Variants in GFRA1 observed in about 807,000 individuals in gnomAD.
GFRA1 encodes GDNF family receptor alpha 1.
In GFRA1, 16 loss-of-function variants were observed where a neutral mutation model predicts 51.6. The observed-to-expected ratio is 0.31, with a 90% CI of 0.21 to 0.47. The LOEUF (loss-of-function observed/expected upper bound fraction) is 0.47, where lower values mean the gene tolerates loss of function less well. Among genes scored for constraint, GFRA1 ranks in the 20% least tolerant of loss-of-function variants. The probability of loss-of-function intolerance (pLI) is 1.00; values close to 1 mark genes in which losing one functional copy is unlikely to be tolerated. For missense variants in GFRA1, 530 were observed against 594.3 expected (o/e 0.89, Z 1.13); for synonymous variants, 270 against 241.3 (o/e 1.12, Z -1.10).
At chr10:116,219,820 A>G (rs1965802064) in intron 4 of GFRA1, among the ~76,000 whole-genome samples, 1 of 152,228 alleles carries the variant, frequency 6.6e-6, no homozygotes, top group African/African-American at 2.4e-5. Context: ...CTACTGGTAA[A>G]ATACTAAAAG....
chr10:116,097,999 A>C (rs2250073), intron 6 of GFRA1, among the ~76,000 whole-genome samples: 13,950 of 152,290 alleles, frequency 0.092, 1,725 homozygotes, highest in African/African-American at 0.28. Context: ...ATTATCCAAG[A>C]CCGCAGTTCG....
intron 4 of GFRA1, among the ~76,000 whole-genome samples, chr10:116,215,434 T>A (rs1424975148): frequency 3.9e-5 from 6 of 152,156 alleles, no homozygotes; most frequent in Non-Finnish European, 8.8e-5. Context: ...AGGCCTCGAA[T>A]TTGAGTGTAA....
At chr10:116,167,106 A>G (rs530671214) in intron 5 of GFRA1, among the ~76,000 whole-genome samples, 1 of 152,060 alleles carries the variant, frequency 6.6e-6, no homozygotes, top group African/African-American at 2.4e-5. Context: ...GCCCACCACA[A>G]TCTTCTTAAT....
chr10:116,272,114 G>T lies in GFRA1; in HGVS notation c.-85C>A. 2 of 1,134,488 alleles carry T rather than the reference G, an allele frequency of 1.8e-6. No individual in the cohort carries two copies. The highest frequency in any genetic ancestry group is 2.0e-5 in the Admixed American group (1 of 50,522). The allele number at this position is 1,134,488 out of a possible 1,614,324, so 70.3% of individuals were successfully genotyped here. On this transcript the variant is annotated 5_prime_UTR_variant, in exon 2 of 11. Transcript: ENST00000355422. The surrounding 1 kb of genome is among the most constrained non-coding windows in gnomAD (Gnocchi z 4.4). The stretch of plus-strand genomic sequence containing the variant: ...TTGCCGAGGGAGCTCAGCGTGCAGC[G>T]ATCCCCGGACAGCTGTGCTGCTCTG...
chr10:116,191,156 T>A (rs970247494), intron 5 of GFRA1, among the ~76,000 whole-genome samples: 1 of 152,210 alleles, frequency 6.6e-6, no homozygotes, highest in Admixed American at 6.5e-5. Context: ...GAGACATTTG[T>A]TGAAAATTGC....
chr10:116,099,821 G>C lies in GFRA1; in HGVS notation c.771-3057C>G, dbSNP rs1238597658. ...TTTGTTCTTGATAAAAGGTAAGAAT[G>C]AATGGCCGCTAAAACAATACCTAGC... On this transcript the variant is annotated intron_variant, in intron 6 of 10. Transcript: ENST00000355422. Among the ~76,000 whole-genome samples the C allele has an allele frequency of 3.3e-5, 5 of 152,324 alleles. No individual in the cohort carries two copies. The East Asian group carries it at 9.6e-4, about 29-fold the overall frequency.
intron 4 of GFRA1, among the ~76,000 whole-genome samples, chr10:116,235,776 A>G (rs75609217): frequency 0.015 from 2,282 of 152,228 alleles, 51 homozygotes; most frequent in African/African-American, 0.051. Flanking sequence ...TCAAGATTGG[A>G]TAAGAGAGAG....
At chr10:116,217,768 C>T (rs1310445332) in intron 4 of GFRA1, among the ~76,000 whole-genome samples, 2 of 152,130 alleles carry the variant, frequency 1.3e-5, no homozygotes, top group African/African-American at 4.8e-5. Context: ...ATGCCAGTAA[C>T]AATAGGTAAT....
At chr10:116,196,548 T>TA (rs1963778583) in intron 5 of GFRA1, among the ~76,000 whole-genome samples, 2 of 114,706 alleles carry the variant, frequency 1.7e-5, no homozygotes, top group African/African-American at 6.5e-5. Context: ...TTTATATATA[T>TA]TTTTATATAT....
intron 5 of GFRA1, among the ~76,000 whole-genome samples, chr10:116,164,906 C>A (rs1330096789): frequency 2.6e-5 from 4 of 152,250 alleles, no homozygotes; most frequent in Admixed American, 6.5e-5. Context: ...CCTGTGAAAC[C>A]ATTTATACGA....
At chr10:116,209,578 C>T (rs771481552) in intron 5 of GFRA1, among the ~76,000 whole-genome samples, 2 of 152,064 alleles carry the variant, frequency 1.3e-5, no homozygotes, top group South Asian at 2.1e-4. Flanking sequence ...AACGCAGTGG[C>T]GTCTGTTCAC....
chr10:116,185,472 G>A (rs1409231253), intron 5 of GFRA1, among the ~76,000 whole-genome samples: 1 of 152,104 alleles, frequency 6.6e-6, no homozygotes, highest in East Asian at 1.9e-4. Flanking sequence ...GCCTGCACCT[G>A]TGGCCCTCAA....
At chr10:116,246,141 A>G (rs1298801023) in intron 4 of GFRA1, among the ~76,000 whole-genome samples, 1 of 152,224 alleles carries the variant, frequency 6.6e-6, no homozygotes, top group Non-Finnish European at 1.5e-5. Context: ...CTAAAGAGAC[A>G]TGTTAATAAT....
intron 8 of GFRA1, among the ~76,000 whole-genome samples, chr10:116,090,435 A>C (rs1232942528): frequency 6.7e-6 from 1 of 149,442 alleles, no homozygotes; most frequent in East Asian, 2.0e-4. Flanking sequence ...GTTTCTTTAA[A>C]AAAAAAAAAA....
rs536402238 is a variant in GFRA1 at position 116,232,538 on chromosome 10, A to G, written c.419-20893T>C. 1.2e-4 allele frequency among the ~76,000 whole-genome samples: 19 copies of G among 152,160 alleles called. 1 individual carries two copies. Among genetic ancestry groups the G allele is most frequent in the African/African-American group, 3.6e-4 (15 of 41,490 alleles). ...AAAATACTAATCCTGGTGTTTAATG[A>G]TGATAAAGGGCTTGTCTAATTTTGT... On this transcript the variant is annotated intron_variant, in intron 4 of 10. Coordinates refer to ENST00000355422, the MANE Select transcript of GFRA1 (RefSeq NM_005264.8).
At chr10:116,173,109 T>C (rs947064877) in intron 5 of GFRA1, among the ~76,000 whole-genome samples, 3 of 152,198 alleles carry the variant, frequency 2.0e-5, no homozygotes, top group African/African-American at 7.2e-5. Flanking sequence ...CAAGTACTTC[T>C]TTTTTTAAAT....
chr10:116,173,917 C>T (rs1037284570), intron 5 of GFRA1, among the ~76,000 whole-genome samples: 1 of 152,174 alleles, frequency 6.6e-6, no homozygotes, highest in East Asian at 1.9e-4. Context: ...CCTGTCTCTA[C>T]TAAAAATACA....
chr10:116,109,693 C>T (rs1047817735), intron 6 of GFRA1, among the ~76,000 whole-genome samples: 1 of 152,158 alleles, frequency 6.6e-6, no homozygotes, highest in Non-Finnish European at 1.5e-5. Flanking sequence ...AGCAGCCTTC[C>T]TTCACCGCAG....
At chr10:116,111,487 C>T (rs779501047) in intron 6 of GFRA1, among the ~76,000 whole-genome samples, 12 of 152,176 alleles carry the variant, frequency 7.9e-5, no homozygotes, top group Non-Finnish European at 1.3e-4. Flanking sequence ...TGTCCCTGCC[C>T]GCAGCTATGA....
Sources: gnomAD v4.1 joint callset for allele counts (sites outside exome capture counted in the v4.1 genomes callset) on GRCh38, gnomAD v4.1.1 for gene constraint, Gnocchi (gnomAD v3.1) non-coding constraint, MANE v1.5 for transcripts, NCBI Gene and HGNC (gene_info 2026-07-23, HGNC 2026-07-21) for gene names.